The following AADAT variants were observed in gnomAD, a reference collection of about 807,000 sequenced individuals.
The protein encoded by AADAT is kynurenine/alpha-aminoadipate aminotransferase, mitochondrial.
Under a neutral mutation model 56.2 loss-of-function variants are expected in AADAT, and 25 were observed. The observed-to-expected ratio is 0.44, with a 90% CI of 0.32 to 0.62. AADAT has a LOEUF of 0.62. Among genes scored for constraint, AADAT ranks in the 20% least tolerant of loss-of-function variants. AADAT has a pLI of 0.04. For missense variants in AADAT, 387 were observed against 510.5 expected, an observed-to-expected ratio of 0.76 and a Z score of 2.33; for synonymous variants, 173 against 164.7, an observed-to-expected ratio of 1.05 and a Z score of -0.39.
upstream of AADAT, among the ~76,000 whole-genome samples, chr4:170,091,943 G>A (rs1021537220): frequency 6.6e-6 from 1 of 152,226 alleles, no homozygotes; most frequent in African/African-American, 2.4e-5. Context: ...CTCAGGGTTT[G>A]TAAATACACC....
intron 10 of AADAT, 50 bp from the exon 11 acceptor site, chr4:170,064,875 A>C (rs763030880): frequency 6.6e-7 from 1 of 1,516,526 alleles, no homozygotes; most frequent in Non-Finnish European, 9.0e-7. Flanking sequence ...GGCATTTTTG[A>C]TGATATCAAA....
chr4:170,062,115 C>G lies in AADAT; in HGVS notation c.1135-122G>C, dbSNP rs186589353. The G allele has an allele frequency of 2.0e-4, 108 of 541,952 alleles. No individual in the cohort carries two copies. The highest frequency in any genetic ancestry group is 3.0e-4 in the Non-Finnish European group (97 of 325,188). 33.6% of individuals were successfully genotyped at this position (541,952 alleles called of 1,614,324 possible). ...AGTTTAAAAGCAGTTAAAGAAATCA[C>G]AAGAAAAAATACTAATTTATATAAA... On this transcript the variant is annotated intron_variant, in intron 11 of 12. Transcript: ENST00000337664.
At chr4:170,088,600 TG>T in intron 1 of AADAT, 36 bp from the exon 2 acceptor site, 1 of 1,579,340 alleles carries the variant, frequency 6.3e-7, no homozygotes, top group Non-Finnish European at 8.7e-7. Context: ...ACAATTTCAT[TG>T]AAGATTGTTA....
At chr4:170,064,868 A>AT in intron 10 of AADAT, 43 bp from the exon 11 acceptor site, 1 of 1,532,900 alleles carries the variant, frequency 6.5e-7, no homozygotes, top group South Asian at 1.2e-5. Context: ...AAAGGAAGGC[A>AT]TTTTTGATGA....
At chr4:170,074,363 T>G (rs1731937037) in intron 4 of AADAT, among the ~76,000 whole-genome samples, 2 of 151,748 alleles carry the variant, frequency 1.3e-5, no homozygotes, top group African/African-American at 4.8e-5. Flanking sequence ...CCTTCCTGAC[T>G]CCCCCCAGCA....
At chr4:170,077,648 A>G (rs1008008270) in intron 4 of AADAT, among the ~76,000 whole-genome samples, 4 of 152,208 alleles carry the variant, frequency 2.6e-5, no homozygotes, top group Non-Finnish European at 5.9e-5. Context: ...GTGACTGAGC[A>G]CCTACAGTGA....
Position 170,070,632 on chromosome 4 carries a change from G to A in AADAT, c.675C>T (p.Phe225=), listed in dbSNP as rs759664720. ...AGTAAGGATCATCTTCTATTATGAG[G>A]AAATCATATTTTCTTGCAAGCTAAA... The part of the protein sequence containing the change: ...EIYELARKYD[F]LIIEDDPYYF... The change falls in exon 6 of 13, where the codon TTC becomes TTT. Residue 225 remains phenylalanine, a synonymous_variant. Transcript: ENST00000337664. 3.2e-6 allele frequency: 5 copies of A among 1,578,556 alleles called. No individual in the cohort carries two copies. The East Asian group carries it at 9.1e-5, about 29-fold the overall frequency.
intron 7 of AADAT, 119 bp from the exon 8 acceptor site, chr4:170,068,806 A>G (rs1430186853): frequency 3.1e-6 from 2 of 640,448 alleles, no homozygotes; most frequent in Non-Finnish European, 5.2e-6. Flanking sequence ...TAGATAATTA[A>G]AACATTCTAA....
intron 5 of AADAT, among the ~76,000 whole-genome samples, chr4:170,072,767 T>C (rs1731836875): frequency 6.6e-6 from 1 of 152,154 alleles, no homozygotes; most frequent in African/African-American, 2.4e-5. Context: ...TTTAAAGAAT[T>C]CTTGGTAACC....
intron 3 of AADAT, among the ~76,000 whole-genome samples, chr4:170,084,848 A>G (rs1732478471): frequency 6.6e-6 from 1 of 152,248 alleles, no homozygotes; most frequent in African/African-American, 2.4e-5. Flanking sequence ...CAGCACGTAC[A>G]TATCAACAGA....
upstream of AADAT, among the ~76,000 whole-genome samples, chr4:170,091,319 C>G (rs1581604389): frequency 2.0e-5 from 3 of 152,254 alleles, no homozygotes; most frequent in South Asian, 6.2e-4. Context: ...GGCCGGCACT[C>G]AGAGCGGCGG....
At chr4:170,087,000 C>G in intron 3 of AADAT, 116 bp downstream of exon 3, 1 of 1,333,556 alleles carries the variant, frequency 7.5e-7, no homozygotes, top group Non-Finnish European at 1.0e-6. Flanking sequence ...TAGGTGAAGA[C>G]AAGAAAGACT....
chr4:170,082,120 T>C (rs923652094), intron 3 of AADAT, among the ~76,000 whole-genome samples: 1 of 152,322 alleles, frequency 6.6e-6, no homozygotes, highest in East Asian at 1.9e-4. Context: ...CCCAGAATAC[T>C]CTATGATTGT....
chr4:170,083,138 T>C (rs1286881524), intron 3 of AADAT, among the ~76,000 whole-genome samples: 1 of 151,664 alleles, frequency 6.6e-6, no homozygotes, highest in African/African-American at 2.4e-5. Context: ...GACCATACCT[T>C]AGGCTATAAA....
chr4:170,060,789 A>G lies in AADAT; in HGVS notation c.*139T>C. On this transcript the variant is annotated 3_prime_UTR_variant, in exon 13 of 13. Coordinates refer to ENST00000337664, the MANE Select transcript of AADAT (RefSeq NM_016228.4). ...TGTTCTGCCATGCAGGCCAGAGTGC[A>G]TGCAGGCCAGAGTGCAGTGGTGTGA... 1 of 543,224 alleles carries G rather than the reference A, an allele frequency of 1.8e-6. No homozygotes were observed. Among genetic ancestry groups the G allele is most frequent in the East Asian group, 3.3e-5 (1 of 30,086 alleles). The allele number at this position is 543,224 out of a possible 1,614,324, so 33.7% of individuals were successfully genotyped here.
intron 3 of AADAT, among the ~76,000 whole-genome samples, chr4:170,085,755 T>G (rs1354463112): frequency 6.6e-6 from 1 of 152,122 alleles, no homozygotes; most frequent in East Asian, 1.9e-4. Context: ...TTTTCCTAAT[T>G]AAATACAAAA....
At chr4:170,067,664 T>C (rs1731536505) in intron 8 of AADAT, among the ~76,000 whole-genome samples, 1 of 152,182 alleles carries the variant, frequency 6.6e-6, no homozygotes, top group African/African-American at 2.4e-5. Context: ...TAAATTTCTA[T>C]TTTACTAATG....
chr4:170,089,616 T>C lies in AADAT; in HGVS notation c.67+8A>G. 1 of 1,614,134 alleles carries C rather than the reference T, an allele frequency of 6.2e-7. No individual in the cohort carries two copies. The highest frequency in any genetic ancestry group is 1.1e-5 in the South Asian group (1 of 91,082). ...CCCCAAAGGAGAGATGGTCACCCCG[T>C]TTCTCACTCATGGTCCGGATGGGAG... On this transcript the variant is annotated splice_region_variant and intron_variant, in intron 1 of 12. Coordinates refer to ENST00000337664, the MANE Select transcript of AADAT (RefSeq NM_016228.4).
At chr4:170,092,192 G>T (rs1050141828), upstream of AADAT, among the ~76,000 whole-genome samples, 1 of 152,232 alleles carries the variant, frequency 6.6e-6, no homozygotes, top group South Asian at 2.1e-4. Context: ...CTTTTGCAGC[G>T]TGTGGTGGTT....
Sources: gnomAD v4.1 joint callset for allele counts (sites outside exome capture counted in the v4.1 genomes callset) on GRCh38, gnomAD v4.1.1 for gene constraint, MANE v1.5 for transcripts, NCBI Gene and HGNC (gene_info 2026-07-23, HGNC 2026-07-21) for gene names.